HYDIN: variants seen among roughly 807,000 people sequenced by gnomAD.
The protein encoded by HYDIN is axonemal central pair apparatus protein HYDIN.
HYDIN carries 132 observed loss-of-function variants against 403.9 expected under a neutral mutation model. The observed-to-expected ratio is 0.33, with a 90% confidence interval of 0.28 to 0.38. HYDIN has a LOEUF of 0.38. HYDIN is among the 10% of genes least tolerant of loss of function. The pLI, the probability that HYDIN is intolerant of heterozygous loss-of-function variation, is 1.00. For synonymous variants in HYDIN, 1,202 were observed against 1,891.7 expected (o/e 0.64, Z 9.46); for missense variants, 2,827 against 5,009.5 (o/e 0.56, Z 13.15).
intron 71 of HYDIN, 22 bp from the exon 72 acceptor site, chr16:70,857,892 G>C (rs763946125): frequency 2.5e-6 from 4 of 1,610,614 alleles, no homozygotes; most frequent in Non-Finnish European, 8.5e-7. Context: ...ATTTGGAACA[G>C]AGTGGTAAAA....
Position 70,865,200 on chromosome 16 carries a change from C to T in HYDIN, c.11471+969G>A, listed in dbSNP as rs550294614. The T allele has an allele frequency of 3.5e-3, 1,331 of 379,174 alleles. 34 individuals carry two copies. Among genetic ancestry groups the T allele is most frequent in the South Asian group, 0.026 (1,273 of 49,454 alleles). The allele number at this position is 379,174 out of a possible 1,614,324, so 23.5% of individuals were successfully genotyped here. On this transcript the variant is annotated intron_variant, in intron 67 of 85. Coordinates refer to ENST00000393567, the MANE Select transcript of HYDIN (RefSeq NM_001270974.2). ...ATTCTCGCTTCTTCACTTGGCTACC[C>T]CCATTCTCACTTCTTTCACTCTCAC...
At chr16:71,163,316 G>A (rs372007758) in intron 5 of HYDIN, among the ~76,000 whole-genome samples, 3 of 152,016 alleles carry the variant, frequency 2.0e-5, no homozygotes, top group East Asian at 1.9e-4. Flanking sequence ...TAGAGACGGG[G>A]TTTCACCATG....
chr16:70,850,993 T>A (rs1222345395), intron 73 of HYDIN, among the ~76,000 whole-genome samples: 1 of 151,924 alleles, frequency 6.6e-6, no homozygotes, highest in African/African-American at 2.4e-5. Flanking sequence ...GCCAGAAGAA[T>A]AAAATAGGAC....
At chr16:71,005,394 C>A (rs1224572569) in intron 23 of HYDIN, among the ~76,000 whole-genome samples, 1 of 151,876 alleles carries the variant, frequency 6.6e-6, no homozygotes, top group African/African-American at 2.4e-5. Flanking sequence ...GAAGGGACAC[C>A]AGAGTGTTCT....
At chr16:70,879,929 T>C (rs760368208) in intron 60 of HYDIN, among the ~76,000 whole-genome samples, 173 bp from the exon 61 acceptor site, 5 of 63,844 alleles carry the variant, frequency 7.8e-5, no homozygotes, top group Admixed American at 1.7e-4. Flanking sequence ...CCCTGAATGA[T>C]GCCTGGCTAG....
At chr16:70,896,549 T>G (rs2076209661) in intron 53 of HYDIN, among the ~76,000 whole-genome samples, 1 of 151,876 alleles carries the variant, frequency 6.6e-6, no homozygotes, top group African/African-American at 2.4e-5. Flanking sequence ...AGAGATGGGG[T>G]TTCACCATGT....
At position 71,175,606 on chromosome 16, in the gene HYDIN, C is replaced by T. The variant is rs368207928; in HGVS notation, c.516+1G>A. On this transcript the variant is annotated splice_donor_variant, in intron 5 of 85. Coordinates refer to ENST00000393567, the MANE Select transcript of HYDIN (RefSeq NM_001270974.2). LOFTEE classifies it high-confidence loss of function. ...CAATTTCTTGCCATTCCTGGTATTA[C>T]CTTGTTCTCCTCTGGAGTAAAGAGG... 3.7e-6 allele frequency: 6 copies of T among 1,613,548 alleles called. No homozygotes were observed. The highest frequency in any genetic ancestry group is 5.1e-6 in the Non-Finnish European group (6 of 1,179,628).
chr16:71,207,680 C>G (rs138669879), intron 1 of HYDIN, among the ~76,000 whole-genome samples: 1 of 152,208 alleles, frequency 6.6e-6, no homozygotes, highest in African/African-American at 2.4e-5. Flanking sequence ...AGAGACCCAT[C>G]TCACATGCAA....
intron 45 of HYDIN, among the ~76,000 whole-genome samples, chr16:70,930,625 G>T (rs2077290226): frequency 6.6e-6 from 1 of 152,192 alleles, no homozygotes; most frequent in South Asian, 2.1e-4. Context: ...CGCATTTTCT[G>T]TATAAGCAGC....
chr16:71,111,632 G>C (rs2144448395), intron 10 of HYDIN, among the ~76,000 whole-genome samples: 1 of 151,986 alleles, frequency 6.6e-6, no homozygotes, highest in South Asian at 2.1e-4. Flanking sequence ...TGATGCCACA[G>C]GTGCTGGCCA....
At chr16:70,809,466 C>T (rs111706161) in intron 85 of HYDIN, among the ~76,000 whole-genome samples, 1 of 152,168 alleles carries the variant, frequency 6.6e-6, no homozygotes, top group East Asian at 1.9e-4. Flanking sequence ...ATTCCACAGC[C>T]GATACCATGA....
intron 35 of HYDIN, among the ~76,000 whole-genome samples, chr16:70,972,571 A>G (rs2078763870): frequency 6.7e-6 from 1 of 148,262 alleles, no homozygotes; most frequent in Non-Finnish European, 1.5e-5. Context: ...ACTACTGATG[A>G]TAATAGTTAA....
intron 23 of HYDIN, among the ~76,000 whole-genome samples, chr16:71,004,465 T>C (rs2079831438): frequency 6.6e-6 from 1 of 152,210 alleles, no homozygotes; most frequent in African/African-American, 2.4e-5. Flanking sequence ...TTCCTGGATT[T>C]ATTGAGATGA....
intron 13 of HYDIN, among the ~76,000 whole-genome samples, chr16:71,074,162 T>A (rs1331080133): frequency 2.6e-5 from 4 of 152,060 alleles, no homozygotes; most frequent in African/African-American, 9.7e-5. Context: ...TTCCCCACTA[T>A]ATTAGCCTCT....
chr16:70,889,934 G>C (rs942298239), intron 57 of HYDIN, among the ~76,000 whole-genome samples: 47 of 152,152 alleles, frequency 3.1e-4, no homozygotes, highest in Non-Finnish European at 1.2e-4. Context: ...ATGATTTATA[G>C]GGACACCGAA....
At position 71,019,881 on chromosome 16, in the gene HYDIN, G is replaced by A. The variant is rs1462810896; in HGVS notation, c.3330+293C>T. Among the ~76,000 whole-genome samples, 13 of 152,398 alleles carry A rather than the reference G, an allele frequency of 8.5e-5. No homozygotes were observed. The East Asian group carries it at 1.2e-3, about 14-fold the overall frequency. On this transcript the variant is annotated intron_variant, in intron 22 of 85. Transcript: ENST00000393567. ...CAAAAAAGACTTGAAGAAATGTTTC[G>A]TATACAAGGGATATTAATTCCTAAG...
At chr16:70,850,250 C>G (rs1050765642) in intron 74 of HYDIN, among the ~76,000 whole-genome samples, 198 bp downstream of exon 74, 22 of 144,372 alleles carry the variant, frequency 1.5e-4, no homozygotes, top group Non-Finnish European at 2.7e-4. Flanking sequence ...CTCTCCACCC[C>G]CCCCTGAAAA....
chr16:71,191,588 C>G (rs1483898125), intron 1 of HYDIN, among the ~76,000 whole-genome samples: 1 of 152,210 alleles, frequency 6.6e-6, no homozygotes, highest in Non-Finnish European at 1.5e-5. Context: ...GAGAAAACCA[C>G]ACAGCAGCCT....
chr16:70,973,284 G>A (rs1325983357), intron 35 of HYDIN, 59 bp downstream of exon 35: 1 of 319,502 alleles, frequency 3.1e-6, no homozygotes, highest in Non-Finnish European at 5.8e-6. Flanking sequence ...CATGGACTTT[G>A]AGTAAAGCTC....
Sources: allele counts gnomAD v4.1 joint callset (sites outside exome capture counted in the v4.1 genomes callset), GRCh38; gene constraint gnomAD v4.1.1; transcripts MANE v1.5; gene names NCBI Gene and HGNC (gene_info 2026-07-23, HGNC 2026-07-21).